Variants in CCDC178 observed in about 807,000 individuals in gnomAD.
CCDC178 encodes coiled-coil domain containing 178.
Under a neutral mutation model 117.4 loss-of-function variants are expected in CCDC178, and 126 were observed. The ratio of observed to expected loss-of-function variants is 1.07; its 90% confidence interval spans 0.93 to 1.24. The LOEUF (loss-of-function observed/expected upper bound fraction) is 1.24, where lower values mean the gene tolerates loss of function less well. Among genes scored for constraint, CCDC178 ranks in the 50% most tolerant of loss-of-function variants. The pLI is 0.00. For missense variants in CCDC178, 1,030 were observed against 986.9 expected (o/e 1.04, Z -0.59); for synonymous variants, 283 against 313.4 (o/e 0.90, Z 1.02).
intron 21 of CCDC178, among the ~76,000 whole-genome samples, chr18:33,005,990 G>A (rs1367940585): frequency 2.0e-5 from 3 of 151,972 alleles, no homozygotes; most frequent in Admixed American, 6.6e-5. Flanking sequence ...AGAAAGTTAT[G>A]TTTAAAAAGG....
At chr18:33,258,880 A>T (rs1599064949) in intron 14 of CCDC178, among the ~76,000 whole-genome samples, 1 of 152,174 alleles carries the variant, frequency 6.6e-6, no homozygotes, top group Non-Finnish European at 1.5e-5. Context: ...AAAAATTATT[A>T]ATCTCTATAT....
intron 2 of CCDC178, among the ~76,000 whole-genome samples, chr18:33,427,343 C>T (rs1171457535): frequency 8.6e-5 from 13 of 152,032 alleles, no homozygotes; most frequent in Non-Finnish European, 1.6e-4. Flanking sequence ...GAATTGCTTT[C>T]ACAAAGAATA....
At chr18:33,196,560 G>A (rs1568048624) in intron 20 of CCDC178, among the ~76,000 whole-genome samples, 1 of 152,122 alleles carries the variant, frequency 6.6e-6, no homozygotes, top group Non-Finnish European at 1.5e-5. Flanking sequence ...GCCAACTGGT[G>A]TCTGAAGTGA....
chr18:33,274,192 C>T (rs752538055), intron 12 of CCDC178, among the ~76,000 whole-genome samples: 2 of 151,484 alleles, frequency 1.3e-5, no homozygotes, highest in Non-Finnish European at 3.0e-5. Context: ...TGAGATCCCG[C>T]TATATATCCA....
chr18:33,232,137 T>C (rs564420300), intron 15 of CCDC178, among the ~76,000 whole-genome samples: 1 of 152,204 alleles, frequency 6.6e-6, no homozygotes, highest in East Asian at 1.9e-4. Flanking sequence ...GAAGTGACAA[T>C]ATCTCAGAAG....
intron 21 of CCDC178, among the ~76,000 whole-genome samples, chr18:33,025,007 CA>C (rs1485049750): frequency 6.6e-6 from 1 of 151,980 alleles, no homozygotes; most frequent in Non-Finnish European, 1.5e-5. Flanking sequence ...AAAGACAGTA[CA>C]AAAGAAATAG....
At chr18:32,985,327 G>A (rs529892534) in intron 21 of CCDC178, among the ~76,000 whole-genome samples, 1 of 151,960 alleles carries the variant, frequency 6.6e-6, no homozygotes, top group East Asian at 1.9e-4. Flanking sequence ...CATGCAATGC[G>A]GGACAGCCTA....
intron 20 of CCDC178, among the ~76,000 whole-genome samples, chr18:33,198,502 C>A (rs988071207): frequency 6.6e-6 from 1 of 152,082 alleles, no homozygotes; most frequent in Non-Finnish European, 1.5e-5. Context: ...TAAGAACTCT[C>A]AAGTAAAATT....
chr18:33,068,264 A>T (rs1016023478), intron 21 of CCDC178, among the ~76,000 whole-genome samples: 1 of 152,186 alleles, frequency 6.6e-6, no homozygotes, highest in Non-Finnish European at 1.5e-5. Flanking sequence ...CTTATAAAGA[A>T]GTCTTCTCAC....
intron 20 of CCDC178, among the ~76,000 whole-genome samples, chr18:33,178,373 C>T (rs1187825399): frequency 6.6e-6 from 1 of 152,152 alleles, no homozygotes; most frequent in Non-Finnish European, 1.5e-5. Context: ...CCCATTCTCA[C>T]TGCCTCTCTT....
intron 4 of CCDC178, among the ~76,000 whole-genome samples, chr18:33,392,541 G>T (rs1292794501): frequency 1.3e-5 from 2 of 152,118 alleles, no homozygotes; most frequent in Non-Finnish European, 2.9e-5. Flanking sequence ...AGTATTAAAA[G>T]AATAAAGTTT....
chr18:33,388,037 A>C (rs1410335696), intron 5 of CCDC178, among the ~76,000 whole-genome samples: 2 of 152,126 alleles, frequency 1.3e-5, no homozygotes, highest in African/African-American at 2.4e-5. Context: ...CAACCCCATT[A>C]AAAAAATGGG....
intron 21 of CCDC178, among the ~76,000 whole-genome samples, chr18:32,996,897 AAATG>A (rs1215351411): frequency 1.3e-5 from 2 of 152,164 alleles, no homozygotes; most frequent in Non-Finnish European, 2.9e-5. Context: ...CAACAGAAAT[AAATG>A]AATGAATGGC....
intron 20 of CCDC178, among the ~76,000 whole-genome samples, chr18:33,206,931 T>C (rs1027906887): frequency 6.6e-6 from 1 of 152,200 alleles, no homozygotes; most frequent in Non-Finnish European, 1.5e-5. Flanking sequence ...ACCTCTGATA[T>C]ATGTAGCATC....
At chr18:33,254,396 A>G (rs2059654463) in intron 14 of CCDC178, among the ~76,000 whole-genome samples, 1 of 151,880 alleles carries the variant, frequency 6.6e-6, no homozygotes, top group South Asian at 2.1e-4. Flanking sequence ...GAAAGTGCTA[A>G]AAGGGAAGTA....
rs761118018 is a variant in CCDC178 at position 32,938,003 on chromosome 18, T to C, written c.*8A>G. On this transcript the variant is annotated 3_prime_UTR_variant, in exon 23 of 23. Transcript: ENST00000383096. ...TATTTCAGCATCCAAGATACATTGG[T>C]TGTTTGCTTAACCATCGTTTTCGCA... The C allele has an allele frequency of 3.5e-5, 56 of 1,600,014 alleles. No homozygotes were observed. Among genetic ancestry groups the C allele is most frequent in the Middle Eastern group, 1.7e-4 (1 of 6,034 alleles).
chr18:33,084,986 T>C (rs2057356641), intron 21 of CCDC178, among the ~76,000 whole-genome samples: 1 of 152,126 alleles, frequency 6.6e-6, no homozygotes, highest in African/African-American at 2.4e-5. Context: ...ATTCCTTCAT[T>C]CCTTAGGGCC....
rs551120988 is a variant in CCDC178, at chr18:33,301,772, T to C, written c.1023-8460A>G. ...GTTTACCCAGTGCCTATACTACCAT[T>C]GCATCTTGGCAGTAAATAACTTGCT... On this transcript the variant is annotated intron_variant, in intron 11 of 22. Transcript: ENST00000383096. Among the ~76,000 whole-genome samples the C allele has an allele frequency of 3.9e-5, 6 of 152,322 alleles. No homozygotes were observed. The South Asian group carries it at 1.0e-3, about 26-fold the overall frequency.
intron 11 of CCDC178, among the ~76,000 whole-genome samples, chr18:33,308,718 C>A (rs912237701): frequency 1.3e-5 from 2 of 152,140 alleles, no homozygotes; most frequent in Non-Finnish European, 1.5e-5. Flanking sequence ...AATGATGGGG[C>A]AGTTCCCCCA....
Sources: allele counts gnomAD v4.1 joint callset (sites outside exome capture counted in the v4.1 genomes callset), GRCh38; gene constraint gnomAD v4.1.1; transcripts MANE v1.5; gene names NCBI Gene and HGNC (gene_info 2026-07-23, HGNC 2026-07-21).